PPARGC1A: variants seen among roughly 807,000 people sequenced by gnomAD.
PPARGC1A encodes the protein peroxisome proliferator-activated receptor gamma coactivator 1-alpha.
In PPARGC1A, 25 loss-of-function variants were observed where a neutral mutation model predicts 88.7. The ratio of observed to expected loss-of-function variants is 0.28; its 90% CI spans 0.21 to 0.39. The LOEUF (loss-of-function observed/expected upper bound fraction) is 0.39. Among genes scored for constraint, PPARGC1A ranks in the 10% least tolerant of loss-of-function variants. The probability of loss-of-function intolerance (pLI) is 1.00; values close to 1 mark genes in which losing one functional copy is unlikely to be tolerated. For synonymous variants in PPARGC1A, 363 were observed against 355.6 expected (o/e 1.02, Z -0.24); for missense variants, 880 against 968.7 (o/e 0.91, Z 1.22).
the PPARGC1A span, among the ~76,000 whole-genome samples, chr4:24,046,719 G>C: frequency 6.6e-6 from 1 of 152,150 alleles, no homozygotes; most frequent in African/African-American, 2.4e-5. Context: ...TTGCAGTTAA[G>C]TATGACCATG....
At chr4:24,450,811 C>T in the PPARGC1A span, among the ~76,000 whole-genome samples, 1 of 152,170 alleles carries the variant, frequency 6.6e-6, no homozygotes, top group African/African-American at 2.4e-5. Flanking sequence ...AAAAAAATAG[C>T]TGTTCCAAAT....
chr4:24,277,491 T>C, the PPARGC1A span, among the ~76,000 whole-genome samples: 2 of 149,076 alleles, frequency 1.3e-5, no homozygotes, highest in Non-Finnish European at 3.0e-5. Flanking sequence ...ATGGGAACTA[T>C]GAAGCCTGTC....
chr4:24,436,260 A>G, the PPARGC1A span, among the ~76,000 whole-genome samples: 1 of 152,248 alleles, frequency 6.6e-6, no homozygotes, highest in Non-Finnish European at 1.5e-5. Flanking sequence ...ACACCAAAAA[A>G]TTGATGATGA....
chr4:24,012,060 C>T, the PPARGC1A span, among the ~76,000 whole-genome samples: 1 of 152,208 alleles, frequency 6.6e-6, no homozygotes, highest in South Asian at 2.1e-4. Flanking sequence ...TGTATACTCC[C>T]GGCCTCCTCA....
At chr4:24,298,063 T>C in the PPARGC1A span, among the ~76,000 whole-genome samples, 1 of 152,096 alleles carries the variant, frequency 6.6e-6, no homozygotes, top group Non-Finnish European at 1.5e-5. Context: ...GCCACCTCCA[T>C]GGAGGCATAT....
At chr4:24,177,383 G>T in the PPARGC1A span, among the ~76,000 whole-genome samples, 141 of 150,428 alleles carry the variant, frequency 9.4e-4, no homozygotes, top group South Asian at 0.011. Flanking sequence ...ACCAAACACC[G>T]CATGTTCTCA....
upstream of PPARGC1A, among the ~76,000 whole-genome samples, chr4:23,902,111 G>A (rs1719476733): frequency 6.6e-6 from 1 of 151,840 alleles, no homozygotes; most frequent in Admixed American, 6.6e-5. Context: ...ATAACTTAGA[G>A]CTATATGTTA....
At chr4:24,264,981 G>A in the PPARGC1A span, among the ~76,000 whole-genome samples, 2 of 152,150 alleles carry the variant, frequency 1.3e-5, no homozygotes, top group African/African-American at 4.8e-5. Context: ...ATATGCTAAT[G>A]CACATCACAT....
the PPARGC1A span, among the ~76,000 whole-genome samples, chr4:24,008,071 A>G: frequency 9.2e-5 from 14 of 152,324 alleles, no homozygotes; most frequent in Non-Finnish European, 1.5e-4. Context: ...CCGTGAACAA[A>G]GCACGACAGA....
chr4:23,923,131 T>A, the PPARGC1A span, among the ~76,000 whole-genome samples: 5 of 151,852 alleles, frequency 3.3e-5, no homozygotes, highest in South Asian at 2.1e-4. Context: ...TTTTTTTTTT[T>A]TTTTTATTTT....
chr4:24,233,214 TA>T, the PPARGC1A span, among the ~76,000 whole-genome samples: 1 of 152,178 alleles, frequency 6.6e-6, no homozygotes, highest in African/African-American at 2.4e-5. Context: ...CTCCACAATT[TA>T]AAACAAAGAA....
chr4:24,194,591 G>T, the PPARGC1A span, among the ~76,000 whole-genome samples: 1 of 150,558 alleles, frequency 6.6e-6, no homozygotes, highest in African/African-American at 2.5e-5. Context: ...ACCAAGATCA[G>T]ACACCAGTGG....
chr4:24,106,309 A>G, the PPARGC1A span, among the ~76,000 whole-genome samples: 1 of 152,202 alleles, frequency 6.6e-6, no homozygotes, highest in Admixed American at 6.5e-5. Context: ...TATAGACACA[A>G]AGGCAACAAT....
upstream of PPARGC1A, among the ~76,000 whole-genome samples, chr4:23,905,612 C>T (rs75268040): frequency 0.044 from 6,648 of 152,218 alleles, 148 homozygotes; most frequent in Non-Finnish European, 0.049. Flanking sequence ...ATCCAGCATT[C>T]GGTGAATGTT....
intron 1 of PPARGC1A, chr4:23,899,262 C>T (rs1221225923): frequency 1.3e-5 from 2 of 152,234 alleles, no homozygotes; most frequent in African/African-American, 2.4e-5. Context: ...AGTGGGAACT[C>T]CCACCTGGGG....
the PPARGC1A span, among the ~76,000 whole-genome samples, chr4:24,021,554 CA>C: frequency 0.75 from 113,559 of 151,898 alleles, 42,964 homozygotes; most frequent in African/African-American, 0.79. Context: ...AGATATATCA[CA>C]AAAAAATGTG....
the PPARGC1A span, among the ~76,000 whole-genome samples, chr4:24,030,171 A>T: frequency 8.7e-4 from 132 of 152,374 alleles, no homozygotes; most frequent in Non-Finnish European, 1.5e-3. Flanking sequence ...TAACAAACAC[A>T]GCCAGTATGT....
the PPARGC1A span, among the ~76,000 whole-genome samples, chr4:23,965,894 T>C: frequency 6.6e-6 from 1 of 152,220 alleles, no homozygotes; most frequent in African/African-American, 2.4e-5. Flanking sequence ...GCTTTTTATC[T>C]TGTCATGCTT....
At chr4:24,193,839 A>G in the PPARGC1A span, among the ~76,000 whole-genome samples, 1 of 152,142 alleles carries the variant, frequency 6.6e-6, no homozygotes, top group Non-Finnish European at 1.5e-5. Flanking sequence ...TCAAGAGTAC[A>G]CCAATGGGGC....
Sources: gnomAD v4.1 joint callset for allele counts (sites outside exome capture counted in the v4.1 genomes callset) on GRCh38, gnomAD v4.1.1 for gene constraint, MANE v1.5 for transcripts, NCBI Gene and HGNC (gene_info 2026-07-23, HGNC 2026-07-21) for gene names.